VOPP1: variants seen among roughly 807,000 people sequenced by gnomAD.
VOPP1 encodes the protein VOPP1 WW domain binding protein.
In VOPP1, 8 loss-of-function variants were observed where a neutral mutation model predicts 23.5. The observed-to-expected ratio is 0.34, with a 90% confidence interval of 0.20 to 0.61. The LOEUF (loss-of-function observed/expected upper bound fraction) is 0.61, where lower values mean the gene tolerates loss of function less well. Among genes scored for constraint, VOPP1 ranks in the 20% least tolerant of loss-of-function variants. The probability of loss-of-function intolerance (pLI) is 0.78; values close to 1 mark genes in which losing one functional copy is unlikely to be tolerated. For synonymous variants in VOPP1, 83 were observed against 97.3 expected (o/e 0.85, Z 0.86); for missense variants, 174 against 238.1 (o/e 0.73, Z 1.77).
At chr7:55,465,531 C>G (rs1791611219) in intron 4 of VOPP1, among the ~76,000 whole-genome samples, 1 of 152,248 alleles carries the variant, frequency 6.6e-6, no homozygotes, top group Non-Finnish European at 1.5e-5. Context: ...CAGACCGACT[C>G]CTCACAGATG....
intron 4 of VOPP1, among the ~76,000 whole-genome samples, chr7:55,479,867 A>G (rs1792572561): frequency 6.6e-6 from 1 of 152,228 alleles, no homozygotes; most frequent in African/African-American, 2.4e-5. Flanking sequence ...AAGGCCTTAC[A>G]TGGCTAGTTT....
chr7:55,493,611 C>A (rs1793735468), intron 3 of VOPP1, among the ~76,000 whole-genome samples: 1 of 152,146 alleles, frequency 6.6e-6, no homozygotes, highest in Non-Finnish European at 1.5e-5. Context: ...CCGTCTAATT[C>A]ATTATTCATT....
intron 1 of VOPP1, chr7:55,521,618 CCT>C (rs1430645016): frequency 1.0e-6 from 1 of 987,376 alleles, no homozygotes; most frequent in East Asian, 1.1e-4. Flanking sequence ...CACTCGTTGC[CCT>C]CTCACGTGCA....
intron 2 of VOPP1, among the ~76,000 whole-genome samples, chr7:55,513,065 T>C (rs1476376935): frequency 6.6e-6 from 1 of 152,238 alleles, no homozygotes; most frequent in African/African-American, 2.4e-5. Flanking sequence ...CAGGGTAATA[T>C]AAGCACTTTA....
chr7:55,446,272 C>T (rs892930390), intron 4 of VOPP1, among the ~76,000 whole-genome samples: 2 of 152,136 alleles, frequency 1.3e-5, no homozygotes, highest in Non-Finnish European at 2.9e-5. Flanking sequence ...GGATTACAGG[C>T]GTGAGCCACC....
intron 2 of VOPP1, among the ~76,000 whole-genome samples, chr7:55,506,106 C>T (rs558159235): frequency 1.3e-5 from 2 of 152,140 alleles, no homozygotes; most frequent in Admixed American, 6.5e-5. Flanking sequence ...CCTGACAAGC[C>T]CACCTCCCAT....
At chr7:55,502,501 T>C (rs1022593520) in intron 2 of VOPP1, among the ~76,000 whole-genome samples, 2 of 152,250 alleles carry the variant, frequency 1.3e-5, no homozygotes, top group African/African-American at 4.8e-5. Flanking sequence ...CCATTGTGGA[T>C]GCTGGCAGGC....
chr7:55,556,756 A>G (rs1475571116), intron 1 of VOPP1, among the ~76,000 whole-genome samples: 2 of 151,964 alleles, frequency 1.3e-5, no homozygotes, highest in Non-Finnish European at 2.9e-5. Flanking sequence ...CTTGCTCTGT[A>G]CATTGACTAA....
intron 2 of VOPP1, among the ~76,000 whole-genome samples, chr7:55,520,164 A>G (rs1339892001): frequency 6.6e-6 from 1 of 152,142 alleles, no homozygotes; most frequent in Non-Finnish European, 1.5e-5. Context: ...AGAAAAATGT[A>G]TGTTCTGGCA....
intron 1 of VOPP1, chr7:55,538,582 A>T: frequency 6.5e-7 from 1 of 1,530,610 alleles, no homozygotes; most frequent in Non-Finnish European, 8.8e-7. Context: ...ACATGGTTTA[A>T]TAACAAACAT....
Position 55,498,988 on chromosome 7 carries a change from C to A in VOPP1, c.114-1298G>T, listed in dbSNP as rs530422660. On this transcript the variant is annotated intron_variant, in intron 2 of 4. Coordinates refer to ENST00000285279, the MANE Select transcript of VOPP1 (RefSeq NM_030796.5). Reference sequence around the variant, plus strand: ...AGGACAAACTGGGCTGAGAGACACTCCCTCCCCACTCCACCCCCACGCCAT... The same window carrying A: ...AGGACAAACTGGGCTGAGAGACACTACCTCCCCACTCCACCCCCACGCCAT... Among the ~76,000 whole-genome samples, 4 of 152,168 alleles carry A rather than the reference C, an allele frequency of 2.6e-5. No homozygotes were observed. The South Asian group carries it at 8.3e-4, about 32-fold the overall frequency.
At chr7:55,468,347 T>A (rs1352592373), downstream of VOPP1, among the ~76,000 whole-genome samples, 2 of 150,304 alleles carry the variant, frequency 1.3e-5, no homozygotes, top group South Asian at 2.1e-4. Context: ...GAGAACATGA[T>A]GGGGCCTTTG....
chr7:55,567,166 T>TA (rs1390524526), intron 1 of VOPP1, among the ~76,000 whole-genome samples: 6 of 152,244 alleles, frequency 3.9e-5, no homozygotes, highest in African/African-American at 9.6e-5. Flanking sequence ...ACAGGGCTCT[T>TA]ACCACTGACG....
intron 1 of VOPP1, among the ~76,000 whole-genome samples, chr7:55,568,281 G>A (rs1049457478): frequency 2.6e-5 from 4 of 152,100 alleles, no homozygotes; most frequent in East Asian, 1.9e-4. Context: ...GGCTTTCACC[G>A]TGTTAGCCAG....
intron 4 of VOPP1, among the ~76,000 whole-genome samples, chr7:55,436,778 A>C (rs186664841): frequency 7.9e-5 from 12 of 152,306 alleles, no homozygotes; most frequent in East Asian, 7.7e-4. Flanking sequence ...AAGATGTCCT[A>C]AACCACAGTT....
chr7:55,518,672 A>C (rs1244929323), intron 2 of VOPP1, among the ~76,000 whole-genome samples: 1 of 152,228 alleles, frequency 6.6e-6, no homozygotes, highest in Non-Finnish European at 1.5e-5. Context: ...CTCAACATCA[A>C]GGATGGCCGC....
intron 1 of VOPP1, among the ~76,000 whole-genome samples, chr7:55,556,826 G>A (rs1316403439): frequency 6.6e-6 from 1 of 152,242 alleles, no homozygotes; most frequent in Non-Finnish European, 1.5e-5. Flanking sequence ...CCTTGTTGTA[G>A]ATTAACTCCC....
intron 1 of VOPP1, 141 bp from the exon 2 acceptor site, chr7:55,521,271 A>G (rs1795834081): frequency 2.4e-6 from 2 of 842,640 alleles, no homozygotes; most frequent in Non-Finnish European, 3.7e-6. Flanking sequence ...ACAATGCATT[A>G]CAGGGAGAGC....
intron 2 of VOPP1, among the ~76,000 whole-genome samples, chr7:55,498,596 T>C (rs555351853): frequency 6.6e-6 from 1 of 152,258 alleles, no homozygotes; most frequent in Admixed American, 6.5e-5. Context: ...CAGCAATGGA[T>C]TGGCAGGGAT....
Sources: allele counts gnomAD v4.1 joint callset (sites outside exome capture counted in the v4.1 genomes callset), GRCh38; gene constraint gnomAD v4.1.1; transcripts MANE v1.5; gene names NCBI Gene and HGNC (gene_info 2026-07-23, HGNC 2026-07-21).